MBNL2: variants seen among roughly 807,000 people sequenced by gnomAD.
The protein encoded by MBNL2 is muscleblind like splicing regulator 2.
Under a neutral mutation model 41.9 loss-of-function variants are expected in MBNL2, and 17 were observed. The ratio of observed to expected loss-of-function variants is 0.41; its 90% CI spans 0.28 to 0.61. MBNL2 has a LOEUF of 0.61. MBNL2 is among the 20% of genes least tolerant of loss of function. The pLI, the probability that MBNL2 is intolerant of heterozygous loss-of-function variation, is 0.35. For synonymous variants in MBNL2, 195 were observed against 182.9 expected (o/e 1.07, Z -0.53); for missense variants, 336 against 505.6 (o/e 0.66, Z 3.22).
At chr13:97,267,366 A>G (rs1323019626) in intron 1 of MBNL2, among the ~76,000 whole-genome samples, 1 of 152,206 alleles carries the variant, frequency 6.6e-6, no homozygotes, top group Non-Finnish European at 1.5e-5. Context: ...GTAAGTAAAG[A>G]CCCTAAAAAT....
At chr13:97,371,963 C>T (rs1330974167) in intron 8 of MBNL2, among the ~76,000 whole-genome samples, 1 of 152,136 alleles carries the variant, frequency 6.6e-6, no homozygotes, top group African/African-American at 2.4e-5. Context: ...CCATTTCCTA[C>T]CTAAATGAGA....
intron 5 of MBNL2, among the ~76,000 whole-genome samples, chr13:97,352,783 C>T (rs2062619006): frequency 6.6e-6 from 1 of 152,226 alleles, no homozygotes; most frequent in Non-Finnish European, 1.5e-5. Flanking sequence ...CAACCTATGC[C>T]TGTACTTATT....
At chr13:97,210,069 T>C in the MBNL2 span, among the ~76,000 whole-genome samples, 1 of 152,192 alleles carries the variant, frequency 6.6e-6, no homozygotes, top group Non-Finnish European at 1.5e-5. Flanking sequence ...GTGCTGGGAT[T>C]ACAGGCATGA....
chr13:97,205,288 G>A, the MBNL2 span, among the ~76,000 whole-genome samples: 57 of 150,236 alleles, frequency 3.8e-4, no homozygotes, highest in African/African-American at 1.4e-3. Flanking sequence ...CTACTCAGAA[G>A]GCTGAGGCAC....
chr13:97,150,771 C>T, the MBNL2 span, among the ~76,000 whole-genome samples: 2 of 152,162 alleles, frequency 1.3e-5, no homozygotes, highest in Non-Finnish European at 1.5e-5. Flanking sequence ...GCCTTAGCTT[C>T]CCGAGTATTT....
At chr13:97,245,253 T>C (rs2045224173) in intron 1 of MBNL2, among the ~76,000 whole-genome samples, 1 of 152,214 alleles carries the variant, frequency 6.6e-6, no homozygotes. Flanking sequence ...GTGGTGGCTG[T>C]CTGCCTCAAA....
At chr13:97,300,751 G>T (rs936018767) in intron 2 of MBNL2, among the ~76,000 whole-genome samples, 2 of 152,126 alleles carry the variant, frequency 1.3e-5, no homozygotes, top group Non-Finnish European at 2.9e-5. Flanking sequence ...AAATTTGGGT[G>T]CTCAATCCCT....
At chr13:97,203,891 TG>T in the MBNL2 span, among the ~76,000 whole-genome samples, 1 of 151,754 alleles carries the variant, frequency 6.6e-6, no homozygotes, top group African/African-American at 2.4e-5. Context: ...GATGGATGGA[TG>T]GATGGATGGA....
At chr13:97,238,489 A>G (rs925517965) in intron 1 of MBNL2, among the ~76,000 whole-genome samples, 1 of 152,220 alleles carries the variant, frequency 6.6e-6, no homozygotes, top group Non-Finnish European at 1.5e-5. Context: ...AGGCTTCCTG[A>G]AACCAGGTGA....
intron 1 of MBNL2, among the ~76,000 whole-genome samples, chr13:97,262,881 C>T (rs368960772): frequency 1.4e-4 from 22 of 152,140 alleles, no homozygotes; most frequent in East Asian, 9.7e-4. Flanking sequence ...CTCCTGCTTC[C>T]GCCTCCCAAG....
Position 97,276,124 on chromosome 13 carries a change from T to G in MBNL2, c.-112T>G, listed in dbSNP as rs2052088979. On this transcript the variant is annotated 5_prime_UTR_variant, in exon 2 of 9. Transcript: ENST00000679496. The stretch of plus-strand genomic sequence containing the variant: ...TGGACTTCACTAAGCAATTTATCAC[T>G]CACCTTCAGACTTACATGTGGGAGT... 1.3e-6 allele frequency: 1 copy of G among 783,540 alleles called. No individual in the cohort carries two copies. Among genetic ancestry groups the G allele is most frequent in the Non-Finnish European group, 2.1e-6 (1 of 472,090 alleles). 48.5% of individuals were successfully genotyped at this position (783,540 alleles called of 1,614,324 possible). A position where few individuals can be genotyped will look rare whatever the true frequency, so the allele number is the denominator to read the frequency against.
chr13:97,189,623 T>C, the MBNL2 span, among the ~76,000 whole-genome samples: 2 of 152,238 alleles, frequency 1.3e-5, no homozygotes, highest in African/African-American at 4.8e-5. Flanking sequence ...TGAGCATATA[T>C]GTAAATATGT....
the MBNL2 span, among the ~76,000 whole-genome samples, chr13:97,165,246 G>A: frequency 6.6e-6 from 1 of 152,020 alleles, no homozygotes; most frequent in Non-Finnish European, 1.5e-5. Context: ...AAATTTTAAG[G>A]GTCTATGCTA....
At chr13:97,328,160 G>A (rs922528931) in intron 2 of MBNL2, among the ~76,000 whole-genome samples, 3 of 150,210 alleles carry the variant, frequency 2.0e-5, no homozygotes, top group African/African-American at 7.4e-5. Flanking sequence ...GTTCTGAGAC[G>A]GTTTCCTTAA....
intron 1 of MBNL2, among the ~76,000 whole-genome samples, chr13:97,275,194 G>C (rs936930353): frequency 1.3e-5 from 2 of 152,098 alleles, no homozygotes; most frequent in East Asian, 1.9e-4. Flanking sequence ...ACATAAAGAA[G>C]AAAGAGCCCA....
At chr13:97,272,904 A>C (rs2051363738) in intron 1 of MBNL2, among the ~76,000 whole-genome samples, 1 of 152,184 alleles carries the variant, frequency 6.6e-6, no homozygotes, top group Non-Finnish European at 1.5e-5. Context: ...GGATTTTCAT[A>C]GTAAGTTGAA....
chr13:97,390,019 G>A (rs1456997246), intron 8 of MBNL2, among the ~76,000 whole-genome samples: 1 of 151,544 alleles, frequency 6.6e-6, no homozygotes, highest in East Asian at 1.9e-4. Flanking sequence ...TTTTATTCAT[G>A]TCTGTTAGTA....
intron 1 of MBNL2, among the ~76,000 whole-genome samples, chr13:97,252,763 A>C (rs2046816149): frequency 6.6e-6 from 1 of 152,134 alleles, no homozygotes; most frequent in African/African-American, 2.4e-5. Context: ...TTTCCTTGTG[A>C]GAACTAAATT....
At chr13:97,363,768 G>C (rs1262553913) in intron 7 of MBNL2, among the ~76,000 whole-genome samples, 1 of 152,094 alleles carries the variant, frequency 6.6e-6, no homozygotes, top group African/African-American at 2.4e-5. Context: ...GGATGTATTG[G>C]CACACATTTG....
Sources: allele counts gnomAD v4.1 joint callset (sites outside exome capture counted in the v4.1 genomes callset), GRCh38; gene constraint gnomAD v4.1.1; transcripts MANE v1.5; gene names NCBI Gene and HGNC (gene_info 2026-07-23, HGNC 2026-07-21).